SLC16A3: variants seen among roughly 807,000 people sequenced by gnomAD.
The protein encoded by SLC16A3 is solute carrier family 16 member 3, also known as monocarboxylate transporter 4.
In SLC16A3, 22 loss-of-function variants were observed where a neutral mutation model predicts 25.0. That is an observed-to-expected ratio of 0.88 (90% CI 0.63 to 1.26). The LOEUF is 1.26. SLC16A3 is among the 50% of genes most tolerant of loss of function. The pLI is 0.00. For missense variants in SLC16A3, 731 were observed against 666.6 expected (o/e 1.10, Z -1.06); for synonymous variants, 390 against 309.2 (o/e 1.26, Z -2.74).
intron 1 of SLC16A3, among the ~76,000 whole-genome samples, chr17:82,219,228 C>T (rs1321160254): frequency 6.6e-5 from 10 of 151,990 alleles, no homozygotes; most frequent in Non-Finnish European, 1.3e-4. Context: ...GCCGGGGCAG[C>T]GATGGAGCCC....
intron 1 of SLC16A3, chr17:82,235,648 A>C: frequency 2.7e-6 from 1 of 370,378 alleles, no homozygotes. Flanking sequence ...AGAGCGAGCC[A>C]GGGCAGAAAT....
chr17:82,234,515 C>G (rs1270775860), intron 1 of SLC16A3: 1 of 152,302 alleles, frequency 6.6e-6, no homozygotes, highest in Non-Finnish European at 1.5e-5. Flanking sequence ...CCTGGGTCCC[C>G]TCGTCAAGCA....
At chr17:82,222,803 CAAA>C (rs34093076) in intron 1 of SLC16A3, among the ~76,000 whole-genome samples, 4 of 104,646 alleles carry the variant, frequency 3.8e-5, no homozygotes, top group Admixed American at 2.0e-4. Context: ...GACTCCGTCT[CAAA>C]AAAAAAAAAA....
chr17:82,219,131 T>TG (rs1318499996), intron 1 of SLC16A3, among the ~76,000 whole-genome samples: 3 of 151,772 alleles, frequency 2.0e-5, no homozygotes, highest in Admixed American at 2.0e-4. Flanking sequence ...GGAGCAGGGA[T>TG]GGGGCCCATA....
chr17:82,237,293 G>C lies in SLC16A3; in HGVS notation c.523G>C (p.Gly175Arg), dbSNP rs773087160. 4 of 1,557,496 alleles carry C rather than the reference G, an allele frequency of 2.6e-6. No homozygotes were observed. The highest frequency in any genetic ancestry group is 3.5e-6 in the Non-Finnish European group (4 of 1,151,064). The change falls in exon 4 of 5, where the codon GGC becomes CGC. Residue 175 changes from glycine (G) to arginine (R), a missense_variant. Coordinates refer to ENST00000582743, the MANE Select transcript of SLC16A3 (RefSeq NM_004207.4). Reference protein sequence around the residue: ...PLGQLLQDRYGWRGGFLILGG... With the variant: ...PLGQLLQDRYRWRGGFLILGG... The stretch of plus-strand genomic sequence containing the variant: ...GGGGCAGCTGCTGCAGGACCGCTAC[G>C]GCTGGCGGGGCGGCTTCCTCATCCT...
In SLC16A3 at chr17:82,219,581, C is replaced by A. The variant is rs1411812272; in HGVS notation, c.-27+1397C>A. 5.3e-4 allele frequency among the ~76,000 whole-genome samples: 80 copies of A among 151,540 alleles called. 1 individual carries two copies. Among genetic ancestry groups the A allele is most frequent in the South Asian group, 1.0e-3 (5 of 4,826 alleles). On this transcript the variant is annotated intron_variant, in intron 1 of 4. Transcript: ENST00000580098. The stretch of plus-strand genomic sequence containing the variant: ...GGGGACCAATGGGGCCCTTCCCCAC[C>A]GCCTCCCAGGTGCCGGTGGCCGCCC...
chr17:82,224,955 C>T (rs1015864030), upstream of SLC16A3, among the ~76,000 whole-genome samples: 4 of 152,190 alleles, frequency 2.6e-5, no homozygotes, highest in Admixed American at 2.0e-4. Flanking sequence ...TCACCTCTGC[C>T]CCCTACCTGG....
upstream of SLC16A3, among the ~76,000 whole-genome samples, chr17:82,225,265 AAATAAT>A (rs779543614): frequency 6.6e-6 from 1 of 152,136 alleles, no homozygotes; most frequent in African/African-American, 2.4e-5. Context: ...TGTCAAAAAA[AAATAAT>A]AATAATATGT....
upstream of SLC16A3, among the ~76,000 whole-genome samples, chr17:82,224,162 A>ACT (rs1555786431): frequency 1.3e-4 from 8 of 62,788 alleles, 1 homozygote; most frequent in African/African-American, 4.7e-4. Context: ...ACACCCCTAC[A>ACT]CCCGTGCAGA....
chr17:82,236,982 G>A (rs2050618949), intron 3 of SLC16A3, 110 bp downstream of exon 3: 17 of 1,495,214 alleles, frequency 1.1e-5, no homozygotes, highest in Non-Finnish European at 1.2e-5. Flanking sequence ...GCTGCGGGGT[G>A]TCCCGGCCCC....
chr17:82,236,942 C>T, intron 3 of SLC16A3, 70 bp downstream of exon 3: 1 of 1,574,354 alleles, frequency 6.4e-7, no homozygotes, highest in Non-Finnish European at 8.6e-7. Context: ...GCTCCTGGGT[C>T]CAGGCCTCTG....
Position 82,238,977 on chromosome 17 carries a change from G to C in SLC16A3, c.*1G>C. 6.6e-7 allele frequency: 1 copy of C among 1,517,770 alleles called. No individual in the cohort carries two copies. The highest frequency in any genetic ancestry group is 1.3e-5 in the South Asian group (1 of 75,266). The allele number at this position is 1,517,770 out of a possible 1,614,324, so 94.0% of individuals were successfully genotyped here. ...TCACACCCCGGAAACAAGTGTCTGA[G>C]TGGCTGGGCGGGGCCGGCAGGCACA... On this transcript the variant is annotated 3_prime_UTR_variant, in exon 5 of 5. Transcript: ENST00000582743.
intron 1 of SLC16A3, among the ~76,000 whole-genome samples, chr17:82,232,916 G>A (rs1486601579): frequency 6.8e-6 from 1 of 146,768 alleles, no homozygotes; most frequent in Non-Finnish European, 1.5e-5. Context: ...CCTGGGGGGC[G>A]GCGGGGGGGG....
In SLC16A3 at chr17:82,237,908, C is replaced by T. The variant is rs1366556453; in HGVS notation, c.1123+15C>T. 3.1e-6 allele frequency: 5 copies of T among 1,593,242 alleles called. No homozygotes were observed. The highest frequency in any genetic ancestry group is 2.2e-5 in the East Asian group (1 of 44,798). ...CCCTTCGGGAGGTGAGCGCTGCGCC[C>T]CCAGGCAGTTCCCCACACCTGCCCT... On this transcript the variant is annotated intron_variant, in intron 4 of 4. Coordinates refer to ENST00000582743, the MANE Select transcript of SLC16A3 (RefSeq NM_004207.4).
At chr17:82,229,593 C>T (rs2050461521) in intron 1 of SLC16A3, 1 of 152,386 alleles carries the variant, frequency 6.6e-6, no homozygotes, top group Non-Finnish European at 1.5e-5. Context: ...CTGAACACTC[C>T]CCGACCCACA....
Sources: allele counts gnomAD v4.1 joint callset (sites outside exome capture counted in the v4.1 genomes callset), GRCh38; gene constraint gnomAD v4.1.1; transcripts MANE v1.5; gene names NCBI Gene and HGNC (gene_info 2026-07-23, HGNC 2026-07-21).